Variants in ZNF787 observed in about 807,000 individuals in gnomAD.
The protein encoded by ZNF787 is zinc finger protein 787.
A neutral mutation model predicts 16.9 loss-of-function variants in ZNF787; 7 were observed. The observed-to-expected ratio is 0.42, with a 90% CI of 0.24 to 0.78. The LOEUF (loss-of-function observed/expected upper bound fraction) is 0.78. ZNF787 is among the 30% of genes least tolerant of loss of function. ZNF787 has a pLI of 0.30. For synonymous variants in ZNF787, 345 were observed against 270.9 expected, an observed-to-expected ratio of 1.27 and a Z score of -2.69; for missense variants, 551 against 589.3, an observed-to-expected ratio of 0.94 and a Z score of 0.67.
chr19:56,092,004 G>A (rs1326535225), intron 2 of ZNF787, among the ~76,000 whole-genome samples: 1 of 132,356 alleles, frequency 7.6e-6, no homozygotes, highest in African/African-American at 2.8e-5. Flanking sequence ...CCAAACGGAA[G>A]CCAAAGCCGA....
chr19:56,102,605 A>G, intron 2 of ZNF787: 2 of 475,702 alleles, frequency 4.2e-6, no homozygotes, highest in Non-Finnish European at 7.4e-6. Context: ...GAAGGATTTC[A>G]CATAAAAACC....
chr19:56,094,186 GCTTT>G (rs1464526614), intron 2 of ZNF787, among the ~76,000 whole-genome samples: 4 of 113,854 alleles, frequency 3.5e-5, no homozygotes, highest in Non-Finnish European at 5.4e-5. Flanking sequence ...ATCATGCCCG[GCTTT>G]TTTTTTTTTT....
chr19:56,103,018 TG>T, intron 2 of ZNF787, 120 bp downstream of exon 2: 2 of 1,072,794 alleles, frequency 1.9e-6, no homozygotes, highest in Non-Finnish European at 2.8e-6. Context: ...CAGGGTCGGG[TG>T]GTCCCAGGGC....
chr19:56,100,975 G>A (rs1188961519), intron 2 of ZNF787, among the ~76,000 whole-genome samples: 2 of 140,036 alleles, frequency 1.4e-5, no homozygotes, highest in Non-Finnish European at 3.1e-5. Context: ...GCACGTAGGC[G>A]GGACTCCACA....
intron 2 of ZNF787, among the ~76,000 whole-genome samples, chr19:56,099,570 G>T (rs534495911): frequency 2.6e-5 from 4 of 152,212 alleles, no homozygotes; most frequent in Admixed American, 2.6e-4. Flanking sequence ...AATCAGCCAG[G>T]CATGGTGGCG....
At chr19:56,110,357 G>T (rs942134560) in intron 1 of ZNF787, among the ~76,000 whole-genome samples, 1 of 144,792 alleles carries the variant, frequency 6.9e-6, no homozygotes. Context: ...GCGAGACTCC[G>T]TCTCAAAAAA....
At chr19:56,118,271 C>G (rs894686551) in intron 1 of ZNF787, among the ~76,000 whole-genome samples, 1 of 152,206 alleles carries the variant, frequency 6.6e-6, no homozygotes, top group Non-Finnish European at 1.5e-5. Flanking sequence ...TTCCGAGCCA[C>G]TTGTGCTTCT....
intron 2 of ZNF787, among the ~76,000 whole-genome samples, chr19:56,091,057 C>T (rs746645474): frequency 1.3e-5 from 2 of 152,316 alleles, no homozygotes; most frequent in South Asian, 4.1e-4. Context: ...TGGCATGGAG[C>T]CCACTGCGTT....
chr19:56,090,102 T>TA (rs1028829319), intron 2 of ZNF787, among the ~76,000 whole-genome samples: 11 of 152,278 alleles, frequency 7.2e-5, no homozygotes, highest in East Asian at 1.9e-4. Flanking sequence ...CTCCTGACCT[T>TA]ACTAGACTGT....
In ZNF787 at chr19:56,088,157, G is replaced by A. The variant is rs774045192; in HGVS notation, c.1015C>T (p.His339Tyr). ...GAALRRHKKI[H>Y]AVGAPSVCSS... is the part of the protein sequence containing the mutation. Reference sequence around the variant, plus strand: ...CAGACCGAGGGCGCGCCCACCGCGTGGATCTTCTTGTGTCTCCGGAGCGCG... The same window carrying A: ...CAGACCGAGGGCGCGCCCACCGCGTAGATCTTCTTGTGTCTCCGGAGCGCG... Residue 339 changes from histidine to tyrosine, a missense_variant, in exon 3 of 3, where the codon CAC (histidine) becomes TAC (tyrosine). Around this residue, in one of 4 missense-constraint regions of ZNF787, gnomAD observed 392 missense variants for 312.7 expected, o/e 1.25. Transcript: ENST00000610935. The surrounding 1 kb of genome is among the most constrained non-coding windows in gnomAD (Gnocchi z 8.6). 4 of 1,553,724 alleles carry A rather than the reference G, an allele frequency of 2.6e-6. No homozygotes were observed. Among genetic ancestry groups the A allele is most frequent in the Admixed American group, 1.8e-5 (1 of 54,946 alleles).
At chr19:56,110,385 G>GA (rs895333805) in intron 1 of ZNF787, among the ~76,000 whole-genome samples, 1 of 151,464 alleles carries the variant, frequency 6.6e-6, no homozygotes, top group African/African-American at 2.4e-5. Flanking sequence ...GAAAGAAAAA[G>GA]AAAAACGAAA....
At chr19:56,100,820 C>T (rs1228526915) in intron 2 of ZNF787, among the ~76,000 whole-genome samples, 15 of 146,446 alleles carry the variant, frequency 1.0e-4, no homozygotes, top group Admixed American at 1.0e-3. Context: ...CCAGGCCAAC[C>T]CCCGCCACTC....
At chr19:56,100,216 T>G (rs1465950684) in intron 2 of ZNF787, among the ~76,000 whole-genome samples, 1 of 152,024 alleles carries the variant, frequency 6.6e-6, no homozygotes, top group Non-Finnish European at 1.5e-5. Context: ...GCACCCTCCC[T>G]CTTTGGCACT....
chr19:56,093,149 G>C lies in ZNF787; in HGVS notation c.80-4057C>G, dbSNP rs947721439. ...ATATTCCATAGACACAGGGGATGGCGGAACTGGGATATTCCATAGACACGG... is the reference window on the plus strand; with the variant it reads ...ATATTCCATAGACACAGGGGATGGCCGAACTGGGATATTCCATAGACACGG... On this transcript the variant is annotated intron_variant, in intron 2 of 2. Coordinates refer to ENST00000610935, the MANE Select transcript of ZNF787 (RefSeq NM_001002836.4). Among the ~76,000 whole-genome samples the C allele has an allele frequency of 3.3e-5, 5 of 151,734 alleles. No individual in the cohort carries two copies. The South Asian group carries it at 8.3e-4, about 25-fold the overall frequency.
chr19:56,112,369 GCT>G (rs2030004947), intron 1 of ZNF787, among the ~76,000 whole-genome samples: 1 of 152,158 alleles, frequency 6.6e-6, no homozygotes, highest in Non-Finnish European at 1.5e-5. Flanking sequence ...TACTCACCTG[GCT>G]CTGACCTCCG....
intron 1 of ZNF787, among the ~76,000 whole-genome samples, chr19:56,108,966 G>C (rs1268942031): frequency 1.3e-5 from 2 of 152,082 alleles, no homozygotes; most frequent in African/African-American, 4.8e-5. Context: ...CCATCACAGT[G>C]AGGTTCCGAA....
At chr19:56,096,321 AGGT>A (rs1462077163) in intron 2 of ZNF787, among the ~76,000 whole-genome samples, 1 of 152,258 alleles carries the variant, frequency 6.6e-6, no homozygotes, top group Non-Finnish European at 1.5e-5. Flanking sequence ...CAGGAGGCTG[AGGT>A]GGAAGGACAG....
rs1366005245 is a variant in ZNF787 at position 56,088,252 on chromosome 19, A to G, written c.920T>C (p.Leu307Pro). 45 of 1,463,144 alleles carry G rather than the reference A, an allele frequency of 3.1e-5. No homozygotes were observed. Among genetic ancestry groups the G allele is most frequent in the Non-Finnish European group, 4.0e-5 (44 of 1,111,370 alleles). 90.6% of individuals were successfully genotyped at this position (1,463,144 alleles called of 1,614,324 possible). The change falls in exon 3 of 3, where the codon CTC (leucine) becomes CCC (proline). Residue 307 changes from leucine (L) to proline (P), a missense_variant. This residue lies in a region of ZNF787 where 392 missense variants were observed against 312.7 expected (regional missense o/e 1.25). Transcript: ENST00000610935. The surrounding 1 kb of genome is among the most constrained non-coding windows in gnomAD (Gnocchi z 8.6). ...CGGCTCCTCGCCCCCCGCCGCCCCG[A>G]GCCCGTCCCCGTGCTGGGCCCGCTG... ...AHQRAQHGDG[L>P]GAAGGEEPAH... is the part of the protein sequence containing the mutation.
At position 56,103,049 on chromosome 19, in the gene ZNF787, G is replaced by A. The variant is rs764920057; in HGVS notation, c.79+90C>T. ...CAGGGCCCCAAGAGGGGAAAACAGGGAAGGGGGGTTTCCTCCCACCCAGAG... is the reference window on the plus strand; with the variant it reads ...CAGGGCCCCAAGAGGGGAAAACAGGAAAGGGGGGTTTCCTCCCACCCAGAG... On this transcript the variant is annotated intron_variant, in intron 2 of 2. Transcript: ENST00000610935. 22 of 1,451,546 alleles carry A rather than the reference G, an allele frequency of 1.5e-5. No homozygotes were observed. The African/African-American group carries it at 1.5e-4, about 10-fold the overall frequency. 89.9% of individuals were successfully genotyped at this position (1,451,546 alleles called of 1,614,324 possible). A position where few individuals can be genotyped will look rare whatever the true frequency, so the allele number is the denominator to read the frequency against.
Sources: allele counts gnomAD v4.1 joint callset (sites outside exome capture counted in the v4.1 genomes callset), GRCh38; gene constraint gnomAD v4.1.1; regional missense constraint gnomAD v4.1.1; non-coding constraint Gnocchi (gnomAD v3.1); transcripts MANE v1.5; gene names NCBI Gene and HGNC (gene_info 2026-07-23, HGNC 2026-07-21).